Variants in GRIN2C observed in about 807,000 individuals in gnomAD.
The protein encoded by GRIN2C is glutamate receptor ionotropic, NMDA 2C.
Under a neutral mutation model 77.7 loss-of-function variants are expected in GRIN2C, and 64 were observed. That is an observed-to-expected ratio of 0.82 (90% CI 0.67 to 1.01). GRIN2C has a LOEUF of 1.01. Ranked by LOEUF, GRIN2C falls within the 50% of genes least tolerant of loss-of-function variation. The pLI, the probability that GRIN2C is intolerant of heterozygous loss-of-function variation, is 0.00. For synonymous variants in GRIN2C, 792 were observed against 643.4 expected, an observed-to-expected ratio of 1.23 and a Z score of -3.49; for missense variants, 1,549 against 1,486.0, an observed-to-expected ratio of 1.04 and a Z score of -0.70.
intron 4 of GRIN2C, 143 bp downstream of exon 4, chr17:74,851,431 TGGA>T: frequency 6.7e-6 from 4 of 601,428 alleles, no homozygotes; most frequent in Non-Finnish European, 1.2e-5. Flanking sequence ...GGCTTCCCAG[TGGA>T]GGAGATGTTT....
chr17:74,847,259 C>T lies in GRIN2C; in HGVS notation c.2001+49G>A. ...CAGGGCCTGCCCACTCACGGCCTGT[C>T]CCCACCCTCAGTGCCCCCCCCCACC... On this transcript the variant is annotated intron_variant, in intron 9 of 12. Coordinates refer to ENST00000293190, the MANE Select transcript of GRIN2C (RefSeq NM_000835.6). This position sits in a 1 kb window ranked among gnomAD's most constrained non-coding sequence, Gnocchi z 5.2. 1.4e-6 allele frequency: 1 copy of T among 723,372 alleles called. No homozygotes were observed. Among genetic ancestry groups the T allele is most frequent in the Admixed American group, 1.8e-5 (1 of 54,856 alleles). The allele number at this position is 723,372 out of a possible 1,614,324, so 44.8% of individuals were successfully genotyped here.
rs2037672110 is a variant in GRIN2C at position 74,852,263 on chromosome 17, G to T, written c.748C>A (p.His250Asn). 1 of 1,402,910 alleles carries T rather than the reference G, an allele frequency of 7.1e-7. No individual in the cohort carries two copies. The allele number at this position is 1,402,910 out of a possible 1,614,324, so 86.9% of individuals were successfully genotyped here. The change falls in exon 3 of 13, where the codon CAC becomes AAC. Residue 250 changes from histidine to asparagine, a missense_variant. Physicochemically the swap from His to Asn is moderately conservative, Grantham distance 68. This residue lies in a region of GRIN2C where 382 missense variants were observed against 360.0 expected (regional missense o/e 1.06). Coordinates refer to ENST00000293190, the MANE Select transcript of GRIN2C (RefSeq NM_000835.6). ...GCCAGGTTGGGCACCAGCCACACGTGGCCGGGCCCCACCAGACCGGCCTGC... is the reference window on the plus strand; with the variant it reads ...GCCAGGTTGGGCACCAGCCACACGTTGCCGGGCCCCACCAGACCGGCCTGC... ...AAQAGLVGPG[H>N]VWLVPNLALG...
At position 74,847,486 on chromosome 17, in the gene GRIN2C, G is replaced by A. The variant is rs768559389; in HGVS notation, c.1823C>T (p.Ala608Val). The change falls in exon 9 of 13, where the codon GCG (alanine) becomes GTG (valine). Residue 608 changes from alanine (A) to valine (V), a missense_variant. This residue lies in a region of GRIN2C where 717 missense variants were observed against 858.1 expected (regional missense o/e 0.84). Coordinates refer to ENST00000293190, the MANE Select transcript of GRIN2C (RefSeq NM_000835.6). This position sits in a 1 kb window ranked among gnomAD's most constrained non-coding sequence, Gnocchi z 5.2. Reference sequence around the variant, plus strand: ...GGGCACTGAGTTGTTGAAGACCAGCGCCCACAGCAGCCACACGGACTTGCC... The same window carrying A: ...GGGCACTGAGTTGTTGAAGACCAGCACCCACAGCAGCCACACGGACTTGCC... ...TIGKSVWLLW[A>V]LVFNNSVPIE... 5.6e-6 allele frequency: 9 copies of A among 1,613,624 alleles called. No homozygotes were observed. Among genetic ancestry groups the A allele is most frequent in the African/African-American group, 1.3e-5 (1 of 74,880 alleles).
chr17:74,853,524 TA>T (rs1164586480), intron 2 of GRIN2C: 1 of 152,220 alleles, frequency 6.6e-6, no homozygotes, highest in East Asian at 1.9e-4. Flanking sequence ...GAGTTTTTAT[TA>T]TTTTTTAGAC....
In GRIN2C at chr17:74,849,704, C is replaced by A; in HGVS notation, c.1645+76G>T. 21 of 1,370,508 alleles carry A rather than the reference C, an allele frequency of 1.5e-5. No individual in the cohort carries two copies. Among genetic ancestry groups the A allele is most frequent in the South Asian group, 3.7e-5 (3 of 80,250 alleles). The allele number at this position is 1,370,508 out of a possible 1,614,324, so 84.9% of individuals were successfully genotyped here. A position where few individuals can be genotyped will look rare whatever the true frequency, so the allele number is the denominator to read the frequency against. On this transcript the variant is annotated intron_variant, in intron 7 of 12. Coordinates refer to ENST00000293190, the MANE Select transcript of GRIN2C (RefSeq NM_000835.6). This position sits in a 1 kb window ranked among gnomAD's most constrained non-coding sequence, Gnocchi z 4.6. ...TGTGAGAGCCCACCCAACTCCCCATCCCCACCCAAGCTGTACACACCCTCC... is the reference window on the plus strand; with the variant it reads ...TGTGAGAGCCCACCCAACTCCCCATACCCACCCAAGCTGTACACACCCTCC...
intron 4 of GRIN2C, chr17:74,851,360 G>A (rs2037636794): frequency 1.8e-6 from 1 of 549,850 alleles, no homozygotes; most frequent in Non-Finnish European, 3.3e-6. Context: ...TATAGTAGAG[G>A]GAAGCCGGGG....
Position 74,846,822 on chromosome 17 carries a change from G to A in GRIN2C, c.2100C>T (p.His700=). The A allele has an allele frequency of 6.2e-7, 1 of 1,614,192 alleles. No homozygotes were observed. Among genetic ancestry groups the A allele is most frequent in the African/African-American group, 1.3e-5 (1 of 75,072 alleles). ...GCTGGTTGAACTTGACCATGTGGGTGTGCATGTCACGGTAGTTACTGCGGA... is the reference window on the plus strand; with the variant it reads ...GCTGGTTGAACTTGACCATGTGGGTATGCATGTCACGGTAGTTACTGCGGA... ...RNIRSNYRDM[H]THMVKFNQRS... is the part of the protein sequence containing the mutation. Residue 700 remains histidine, a synonymous_variant, in exon 10 of 13, where the codon CAC becomes CAT. Coordinates refer to ENST00000293190, the MANE Select transcript of GRIN2C (RefSeq NM_000835.6). The surrounding 1 kb of genome is among the most constrained non-coding windows in gnomAD (Gnocchi z 4.4).
Position 74,842,876 on chromosome 17 carries a change from G to A in GRIN2C, c.3261C>T (p.Ala1087=), listed in dbSNP as rs1050405812. ...PRHASLPSSV[A]EAFARPSSLP... is the part of the protein sequence containing the mutation. ...GCGAGCTGGGCCGAGCGAAGGCCTC[G>A]GCCACGGAGCTGGGCAGGGAAGCGT... The change falls in exon 13 of 13, where the codon GCC becomes GCT. Residue 1087 remains alanine, a synonymous_variant. Coordinates refer to ENST00000293190, the MANE Select transcript of GRIN2C (RefSeq NM_000835.6). 1.4e-5 allele frequency: 8 copies of A among 564,518 alleles called. No individual in the cohort carries two copies. Among genetic ancestry groups the A allele is most frequent in the Non-Finnish European group, 2.1e-5 (7 of 327,184 alleles). The allele number at this position is 564,518 out of a possible 1,614,324, so 35.0% of individuals were successfully genotyped here.
chr17:74,847,723 G>T lies in GRIN2C; in HGVS notation c.1771+129C>A. On this transcript the variant is annotated intron_variant, in intron 8 of 12. Transcript: ENST00000293190. The surrounding 1 kb of genome is among the most constrained non-coding windows in gnomAD (Gnocchi z 5.2). Reference sequence around the variant, plus strand: ...TTCTGTGTGTGTGTGTCATCTGACTGGCCCCCAGCATGTGCCATCCAAAAG... The same window carrying T: ...TTCTGTGTGTGTGTGTCATCTGACTTGCCCCCAGCATGTGCCATCCAAAAG... 2.1e-6 allele frequency: 2 copies of T among 941,488 alleles called. No individual in the cohort carries two copies. Among genetic ancestry groups the T allele is most frequent in the Non-Finnish European group, 3.3e-6 (2 of 611,908 alleles). The allele number at this position is 941,488 out of a possible 1,614,324, so 58.3% of individuals were successfully genotyped here.
In GRIN2C at chr17:74,847,197, C is replaced by T. The variant is rs1471471225; in HGVS notation, c.2001+111G>A. On this transcript the variant is annotated intron_variant, in intron 9 of 12. Coordinates refer to ENST00000293190, the MANE Select transcript of GRIN2C (RefSeq NM_000835.6). This position sits in a 1 kb window ranked among gnomAD's most constrained non-coding sequence, Gnocchi z 5.2. The stretch of plus-strand genomic sequence containing the variant: ...AGCAGGCCCTGAAGCTTCTTCCTGC[C>T]CCAGCCTCCAGGTCAAATTCCCCAG... The T allele has an allele frequency of 1.0e-5, 9 of 903,468 alleles. No individual in the cohort carries two copies. The highest frequency in any genetic ancestry group is 8.3e-5 in the Admixed American group (4 of 48,064). 56.0% of individuals were successfully genotyped at this position (903,468 alleles called of 1,614,324 possible).
Position 74,842,128 on chromosome 17 carries a change from C to G in GRIN2C, c.*307G>C. On this transcript the variant is annotated 3_prime_UTR_variant, in exon 13 of 13. Coordinates refer to ENST00000293190, the MANE Select transcript of GRIN2C (RefSeq NM_000835.6). ...CTGCCTCAACCACAAGTTCCAGCCT[C>G]CATGCCCACAGCAGCCATGACCAGT... 1 of 358,400 alleles carries G rather than the reference C, an allele frequency of 2.8e-6. No individual in the cohort carries two copies. The highest frequency in any genetic ancestry group is 6.4e-5 in the East Asian group (1 of 15,516). 22.2% of individuals were successfully genotyped at this position (358,400 alleles called of 1,614,324 possible). A position where few individuals can be genotyped will look rare whatever the true frequency, so the allele number is the denominator to read the frequency against.
chr17:74,849,977 G>T lies in GRIN2C; in HGVS notation c.1492-44C>A. On this transcript the variant is annotated intron_variant, in intron 6 of 12. Transcript: ENST00000293190. This position sits in a 1 kb window ranked among gnomAD's most constrained non-coding sequence, Gnocchi z 4.6. ...GGAGGTTTGAAAAAGGGGCTCCCGT[G>T]GGGTGGACACGCTGCACAGGCACCT... The T allele has an allele frequency of 6.3e-7, 1 of 1,588,146 alleles. No individual in the cohort carries two copies. The highest frequency in any genetic ancestry group is 8.6e-7 in the Non-Finnish European group (1 of 1,167,626).
chr17:74,852,389 G>A lies in GRIN2C; in HGVS notation c.622C>T (p.Pro208Ser), dbSNP rs1156634959. 6 of 1,444,174 alleles carry A rather than the reference G, an allele frequency of 4.2e-6. No homozygotes were observed. Among genetic ancestry groups the A allele is most frequent in the Non-Finnish European group, 5.4e-6 (6 of 1,107,254 alleles). 89.5% of individuals were successfully genotyped at this position (1,444,174 alleles called of 1,614,324 possible). A position where few individuals can be genotyped will look rare whatever the true frequency, so the allele number is the denominator to read the frequency against. The change falls in exon 3 of 13, where the codon CCG (proline) becomes TCG (serine). Residue 208 changes from proline (P) to serine (S), a missense_variant. By Grantham distance (74) the Pro-to-Ser change is moderately conservative (BLOSUM62 -1). Transcript: ENST00000293190. ...VVTLELGPGG[P>S]RARTQRLLRQ... ...AGCAGGCGCTGCGTGCGCGCGCGCG[G>A]CCCTCCCGGGCCCAGCTCCAGCGTG...
rs1567895358 is a variant in GRIN2C, at chr17:74,851,567, C to G, written c.1113+10G>C. 1 of 1,516,236 alleles carries G rather than the reference C, an allele frequency of 6.6e-7. No homozygotes were observed. Among genetic ancestry groups the G allele is most frequent in the Non-Finnish European group, 9.0e-7 (1 of 1,113,812 alleles). 93.9% of individuals were successfully genotyped at this position (1,516,236 alleles called of 1,614,324 possible). A position where few individuals can be genotyped will look rare whatever the true frequency, so the allele number is the denominator to read the frequency against. On this transcript the variant is annotated intron_variant, in intron 4 of 12. Transcript: ENST00000293190. ...GACACTGAGGGCCCCTGGGCTCACC[C>G]CCTTCTCACCATCTCCCAGAGGCGG...
At chr17:74,855,841 C>T (rs957758135) in intron 1 of GRIN2C, among the ~76,000 whole-genome samples, 3 of 152,254 alleles carry the variant, frequency 2.0e-5, no homozygotes, top group Admixed American at 6.5e-5. Context: ...TGGCACAGAG[C>T]CCCCTCCTCC....
At chr17:74,855,257 GAGAC>G (rs1373828854) in intron 1 of GRIN2C, 150 bp from the exon 2 acceptor site, 12 of 617,566 alleles carry the variant, frequency 1.9e-5, no homozygotes, top group Middle Eastern at 4.3e-4. Flanking sequence ...GAGAGAGAGG[GAGAC>G]AGACAGACAC....
At position 74,851,583 on chromosome 17, in the gene GRIN2C, C is replaced by A. The variant is rs1379480516; in HGVS notation, c.1107G>T (p.Trp369Cys). Residue 369 changes from tryptophan (W) to cysteine (C), a missense_variant, in exon 4 of 13, where the codon TGG becomes TGT. Physicochemically the swap from Trp to Cys is radical, Grantham distance 215 (BLOSUM62 -2). This residue lies in a region of GRIN2C where 717 missense variants were observed against 858.1 expected (regional missense o/e 0.84). Transcript: ENST00000293190. ...VVIALNRHRLWEMVGRWEHGV... is the reference protein window; with the variant it reads ...VVIALNRHRLCEMVGRWEHGV... ...GGGCTCACCCCCTTCTCACCATCTCCCAGAGGCGGTGCCGGTTGAGGGCGA... is the reference window on the plus strand; with the variant it reads ...GGGCTCACCCCCTTCTCACCATCTCACAGAGGCGGTGCCGGTTGAGGGCGA... The A allele has an allele frequency of 6.4e-7, 1 of 1,550,660 alleles. No individual in the cohort carries two copies. Among genetic ancestry groups the A allele is most frequent in the Non-Finnish European group, 8.7e-7 (1 of 1,143,930 alleles).
At position 74,849,100 on chromosome 17, in the gene GRIN2C, A is replaced by G. The variant is rs921199490; in HGVS notation, c.1645+680T>C. On this transcript the variant is annotated intron_variant, in intron 7 of 12. Transcript: ENST00000293190. This position sits in a 1 kb window ranked among gnomAD's most constrained non-coding sequence, Gnocchi z 4.6. ...GAGGGAAATCAATCCTGCCATGAGC[A>G]CTTGCTATGCTATGAAGTGGTTTTT... Among the ~76,000 whole-genome samples the G allele has an allele frequency of 1.3e-5, 2 of 151,620 alleles. No homozygotes were observed. The highest frequency in any genetic ancestry group is 2.4e-5 in the African/African-American group (1 of 41,312).
chr17:74,860,195 A>G, upstream of GRIN2C, among the ~76,000 whole-genome samples: 1 of 152,172 alleles, frequency 6.6e-6, no homozygotes, highest in Non-Finnish European at 1.5e-5. Context: ...GAGTTTAGAA[A>G]CAGGCTCAAA....
Sources: allele counts gnomAD v4.1 joint callset (sites outside exome capture counted in the v4.1 genomes callset), GRCh38; gene constraint gnomAD v4.1.1; regional missense constraint gnomAD v4.1.1; non-coding constraint Gnocchi (gnomAD v3.1); transcripts MANE v1.5; gene names NCBI Gene and HGNC (gene_info 2026-07-23, HGNC 2026-07-21).